KIF26B: variants seen among roughly 807,000 people sequenced by gnomAD.
The protein encoded by KIF26B is kinesin-like protein KIF26B.
In KIF26B, 63 loss-of-function variants were observed where a neutral mutation model predicts 151.2. That is an observed-to-expected ratio of 0.42 (90% CI 0.34 to 0.51). The LOEUF (loss-of-function observed/expected upper bound fraction) is 0.51, where lower values mean the gene tolerates loss of function less well. Among genes scored for constraint, KIF26B ranks in the 20% least tolerant of loss-of-function variants. KIF26B has a pLI of 0.07. For synonymous variants in KIF26B, 1,357 were observed against 1,262.1 expected (o/e 1.08, Z -1.59); for missense variants, 2,813 against 2,913.6 (o/e 0.97, Z 0.79).
chr1:245,521,290 TCG>T (rs879751472), intron 4 of KIF26B, among the ~76,000 whole-genome samples: 27,951 of 150,302 alleles, frequency 0.19, 3,198 homozygotes, highest in East Asian at 0.46. Flanking sequence ...TGAGCCGAGA[TCG>T]CACCACTGCA....
intron 4 of KIF26B, among the ~76,000 whole-genome samples, chr1:245,462,072 A>T (rs1034788019): frequency 6.6e-6 from 1 of 152,144 alleles, no homozygotes; most frequent in East Asian, 1.9e-4. Flanking sequence ...CAAGTGAGCT[A>T]TGATTGTACC....
intron 2 of KIF26B, among the ~76,000 whole-genome samples, chr1:245,289,772 A>G (rs1417071726): frequency 6.6e-6 from 1 of 152,206 alleles, no homozygotes; most frequent in African/African-American, 2.4e-5. Flanking sequence ...AAAGACCAAC[A>G]AAGAGAGGAA....
chr1:245,457,245 G>C (rs910103204), intron 4 of KIF26B, among the ~76,000 whole-genome samples: 1 of 152,174 alleles, frequency 6.6e-6, no homozygotes, highest in Non-Finnish European at 1.5e-5. Flanking sequence ...GAGCTAGTAG[G>C]AGAATTTTTA....
intron 12 of KIF26B, among the ~76,000 whole-genome samples, chr1:245,696,211 G>A (rs2147965900): frequency 6.6e-6 from 1 of 152,374 alleles, no homozygotes; most frequent in South Asian, 2.1e-4. Flanking sequence ...AAAAGACACT[G>A]CACCTTCTGT....
intron 2 of KIF26B, among the ~76,000 whole-genome samples, chr1:245,234,667 A>G (rs982132102): frequency 3.9e-5 from 6 of 152,156 alleles, no homozygotes; most frequent in Non-Finnish European, 7.4e-5. Context: ...TGCAGGTGGA[A>G]GTTCTTCCCG....
intron 3 of KIF26B, among the ~76,000 whole-genome samples, chr1:245,403,092 C>T (rs1173876952): frequency 6.6e-6 from 1 of 152,124 alleles, no homozygotes; most frequent in Non-Finnish European, 1.5e-5. Context: ...CCTCAGCCTC[C>T]CCAGTAGCTG....
chr1:245,229,324 CTG>C (rs1241428630), intron 2 of KIF26B, among the ~76,000 whole-genome samples: 1 of 152,072 alleles, frequency 6.6e-6, no homozygotes, highest in Non-Finnish European at 1.5e-5. Flanking sequence ...AATTCCCAAA[CTG>C]TATTTTTAGG....
At chr1:245,317,795 C>T (rs770690596) in intron 2 of KIF26B, among the ~76,000 whole-genome samples, 33 of 152,214 alleles carry the variant, frequency 2.2e-4, no homozygotes, top group Admixed American at 5.9e-4. Context: ...ATGGATGCCT[C>T]AACTTGCCAT....
At chr1:245,521,545 C>T (rs1661110818) in intron 4 of KIF26B, among the ~76,000 whole-genome samples, 1 of 152,116 alleles carries the variant, frequency 6.6e-6, no homozygotes. Flanking sequence ...ATAAGTCTAC[C>T]TCCACCTAGA....
chr1:245,167,566 A>G lies in KIF26B; in HGVS notation c.465+10883A>G, dbSNP rs1323073118. On this transcript the variant is annotated intron_variant, in intron 2 of 14. Transcript: ENST00000407071. The surrounding 1 kb of genome is among the most constrained non-coding windows in gnomAD (Gnocchi z 4.2). ...ATTAACTGATTAGAAGCCAGCAATA[A>G]CAACCAGCACCAAAAGCTGTCGAGC... 6.6e-6 allele frequency among the ~76,000 whole-genome samples: 1 copy of G among 152,210 alleles called. No individual in the cohort carries two copies. Among genetic ancestry groups the G allele is most frequent in the East Asian group, 1.9e-4 (1 of 5,198 alleles).
At chr1:245,326,258 C>T (rs1671989012) in intron 2 of KIF26B, among the ~76,000 whole-genome samples, 1 of 152,170 alleles carries the variant, frequency 6.6e-6, no homozygotes, top group African/African-American at 2.4e-5. Context: ...TTTATTGTCA[C>T]AAGGTGTTCT....
rs1217667661 is a variant in KIF26B at position 245,572,790 on chromosome 1, G to A, written c.1351-29787G>A. Among the ~76,000 whole-genome samples the A allele has an allele frequency of 6.6e-6, 1 of 152,064 alleles. No individual in the cohort carries two copies. Among genetic ancestry groups the A allele is most frequent in the Non-Finnish European group, 1.5e-5 (1 of 68,020 alleles). On this transcript the variant is annotated intron_variant, in intron 5 of 14. Transcript: ENST00000407071. The surrounding 1 kb of genome is among the most constrained non-coding windows in gnomAD (Gnocchi z 4.2). ...TAGCATGACCCTATGAAATGCCTGT[G>A]TGACCAAAAGCAGATCAACTGATAA...
intron 2 of KIF26B, among the ~76,000 whole-genome samples, chr1:245,359,668 C>T (rs1010428704): frequency 5.4e-5 from 8 of 148,880 alleles, no homozygotes; most frequent in East Asian, 2.1e-4. Flanking sequence ...CCCTCCTTCC[C>T]TCCTTTCCTT....
chr1:245,590,356 A>G (rs1040646944), intron 5 of KIF26B, among the ~76,000 whole-genome samples: 2 of 152,224 alleles, frequency 1.3e-5, no homozygotes, highest in Admixed American at 6.5e-5. Context: ...TTTATTCACA[A>G]TAAGTGCCAA....
intron 2 of KIF26B, among the ~76,000 whole-genome samples, chr1:245,248,453 G>A (rs1670377168): frequency 6.6e-6 from 1 of 152,222 alleles, no homozygotes; most frequent in African/African-American, 2.4e-5. Flanking sequence ...AGATACACAG[G>A]TTTGGCCAGA....
At chr1:245,675,005 T>TA (rs569636155) in intron 10 of KIF26B, among the ~76,000 whole-genome samples, 2 of 152,200 alleles carry the variant, frequency 1.3e-5, no homozygotes, top group South Asian at 4.1e-4. Flanking sequence ...CTCAGGCTCG[T>TA]AATTCTCTAG....
At chr1:245,613,534 G>T (rs918747975) in intron 9 of KIF26B, among the ~76,000 whole-genome samples, 1 of 152,194 alleles carries the variant, frequency 6.6e-6, no homozygotes, top group Non-Finnish European at 1.5e-5. Context: ...GGAGGCGGAG[G>T]TTGCAGTGAG....
chr1:245,379,959 A>T (rs1673368239), intron 3 of KIF26B, among the ~76,000 whole-genome samples: 1 of 149,970 alleles, frequency 6.7e-6, no homozygotes, highest in African/African-American at 2.5e-5. Context: ...CGACAGAGCA[A>T]GACTCCGTCT....
intron 2 of KIF26B, among the ~76,000 whole-genome samples, chr1:245,208,284 T>C (rs6662312): frequency 0.23 from 34,396 of 152,164 alleles, 4,248 homozygotes; most frequent in East Asian, 0.57. Flanking sequence ...CATCTTTTAG[T>C]CCATTGTCCC....
Sources: allele counts gnomAD v4.1 joint callset (sites outside exome capture counted in the v4.1 genomes callset), GRCh38; gene constraint gnomAD v4.1.1; non-coding constraint Gnocchi (gnomAD v3.1); transcripts MANE v1.5; gene names NCBI Gene and HGNC (gene_info 2026-07-23, HGNC 2026-07-21).